Variants in DLGAP1 observed in about 807,000 individuals in gnomAD.
DLGAP1 encodes the protein DLG associated protein 1.
DLGAP1 carries 11 observed loss-of-function variants against 90.8 expected under a neutral mutation model. That is an observed-to-expected ratio of 0.12 (90% CI 0.08 to 0.20). DLGAP1 has a LOEUF of 0.20. DLGAP1 is among the 10% of genes least tolerant of loss of function. The probability of loss-of-function intolerance (pLI) is 1.00; values close to 1 mark genes in which losing one functional copy is unlikely to be tolerated. For synonymous variants in DLGAP1, 558 were observed against 540.7 expected, an observed-to-expected ratio of 1.03 and a Z score of -0.44; for missense variants, 1,050 against 1,333.8, an observed-to-expected ratio of 0.79 and a Z score of 3.31.
chr18:4,421,907 T>G (rs78711632), intron 1 of DLGAP1, among the ~76,000 whole-genome samples: 10,198 of 151,990 alleles, frequency 0.067, 688 homozygotes, highest in African/African-American at 0.17. Flanking sequence ...AGAGACAGGA[T>G]TTCACCACGT....
chr18:3,788,525 C>A (rs893998594), intron 5 of DLGAP1, among the ~76,000 whole-genome samples: 3 of 152,166 alleles, frequency 2.0e-5, no homozygotes, highest in African/African-American at 7.2e-5. Context: ...ACTTCTACAA[C>A]ACCTTTTTTT....
intron 2 of DLGAP1, among the ~76,000 whole-genome samples, chr18:4,018,743 C>A (rs1386833279): frequency 6.6e-6 from 1 of 152,178 alleles, no homozygotes; most frequent in East Asian, 1.9e-4. Context: ...ATAAACCACT[C>A]AGAGCAGAAG....
chr18:3,504,449 A>G (rs1568089404), intron 11 of DLGAP1, among the ~76,000 whole-genome samples: 1 of 152,110 alleles, frequency 6.6e-6, no homozygotes, highest in African/African-American at 2.4e-5. Context: ...CAATGGTACA[A>G]TCTCAGCTCA....
intron 7 of DLGAP1, among the ~76,000 whole-genome samples, chr18:3,644,164 C>T (rs980627840): frequency 6.6e-6 from 1 of 152,104 alleles, no homozygotes; most frequent in African/African-American, 2.4e-5. Flanking sequence ...GGCACAAGAC[C>T]CAAGCCTGGG....
chr18:4,276,059 G>A (rs1370553745), intron 1 of DLGAP1, among the ~76,000 whole-genome samples: 1 of 150,794 alleles, frequency 6.6e-6, no homozygotes, highest in African/African-American at 2.4e-5. Flanking sequence ...AGGGTATGAG[G>A]GTTCAGCCGG....
At position 4,215,848 on chromosome 18, in the gene DLGAP1, A is replaced by G. The variant is rs375648658; in HGVS notation, c.-266-64561T>C. ...TGTTGGTGGTCCATTTCTCCTGCCA[A>G]AAGTGGGAGCAGGAACACATTTGGG... On this transcript the variant is annotated intron_variant, in intron 1 of 12. Transcript: ENST00000315677. 2.6e-4 allele frequency among the ~76,000 whole-genome samples: 39 copies of G among 152,234 alleles called. No individual in the cohort carries two copies. The East Asian group carries it at 7.3e-3, about 29-fold the overall frequency.
chr18:3,765,280 G>A (rs148344671), intron 5 of DLGAP1, among the ~76,000 whole-genome samples: 4,616 of 150,058 alleles, frequency 0.031, 163 homozygotes, highest in Middle Eastern at 0.083. Context: ...ACAGGCGCCC[G>A]CCACCACGCC....
intron 1 of DLGAP1, among the ~76,000 whole-genome samples, chr18:4,403,309 T>C (rs953571587): frequency 3.3e-5 from 5 of 152,200 alleles, no homozygotes; most frequent in African/African-American, 9.7e-5. Flanking sequence ...AAAATATACC[T>C]GGAATATATA....
At chr18:4,077,933 T>C (rs369981741) in intron 2 of DLGAP1, among the ~76,000 whole-genome samples, 9 of 152,196 alleles carry the variant, frequency 5.9e-5, no homozygotes, top group Admixed American at 3.3e-4. Context: ...CCAGTTTGCT[T>C]CATAGGAATT....
At chr18:4,178,410 G>T (rs773241933) in intron 1 of DLGAP1, among the ~76,000 whole-genome samples, 1 of 151,858 alleles carries the variant, frequency 6.6e-6, no homozygotes, top group Non-Finnish European at 1.5e-5. Context: ...ACATGTTTTA[G>T]AACACATCAT....
intron 2 of DLGAP1, among the ~76,000 whole-genome samples, chr18:4,131,074 T>G (rs948633060): frequency 1.3e-5 from 2 of 152,156 alleles, no homozygotes; most frequent in Non-Finnish European, 2.9e-5. Flanking sequence ...AGTGTCTTTT[T>G]TTTCAGAAAT....
intron 2 of DLGAP1, among the ~76,000 whole-genome samples, chr18:4,095,724 G>A (rs867092823): frequency 4.6e-5 from 7 of 151,756 alleles, no homozygotes; most frequent in Non-Finnish European, 7.4e-5. Flanking sequence ...AACTGGAAAC[G>A]ACATAATATA....
rs145473153 is a variant in DLGAP1 at position 4,095,404 on chromosome 18, G to A, written c.-159+55776C>T. On this transcript the variant is annotated intron_variant, in intron 2 of 12. Coordinates refer to ENST00000315677, the MANE Select transcript of DLGAP1 (RefSeq NM_004746.4). ...AGACATAGATGTATCCCCATGAGACGTCTGGGTGAACAAAAGAACCCCTAA... is the reference window on the plus strand; with the variant it reads ...AGACATAGATGTATCCCCATGAGACATCTGGGTGAACAAAAGAACCCCTAA... Among the ~76,000 whole-genome samples, 44 of 152,280 alleles carry A rather than the reference G, an allele frequency of 2.9e-4. No individual in the cohort carries two copies. The East Asian group carries it at 4.6e-3, about 16-fold the overall frequency.
chr18:3,716,862 C>T (rs968351850), intron 7 of DLGAP1, among the ~76,000 whole-genome samples: 3 of 151,836 alleles, frequency 2.0e-5, no homozygotes, highest in African/African-American at 7.3e-5. Flanking sequence ...GGTGCAGTAG[C>T]TCGTGCCTTT....
intron 5 of DLGAP1, among the ~76,000 whole-genome samples, chr18:3,766,419 T>C (rs570740903): frequency 1.5e-3 from 226 of 152,184 alleles, no homozygotes; most frequent in African/African-American, 5.2e-3. Flanking sequence ...TTGACAGAAC[T>C]AGACAGAAAA....
intron 7 of DLGAP1, among the ~76,000 whole-genome samples, chr18:3,714,889 T>C (rs1465499700): frequency 1.3e-5 from 2 of 152,086 alleles, no homozygotes; most frequent in Non-Finnish European, 2.9e-5. Flanking sequence ...TGCCTGCCTC[T>C]GCTTCCCAAA....
At chr18:3,778,883 G>T (rs1353462620) in intron 5 of DLGAP1, among the ~76,000 whole-genome samples, 6 of 152,158 alleles carry the variant, frequency 3.9e-5, no homozygotes, top group Non-Finnish European at 4.4e-5. Flanking sequence ...CTCTCTCCTT[G>T]GCCCCAGCCA....
intron 3 of DLGAP1, among the ~76,000 whole-genome samples, chr18:3,944,779 G>T (rs1390124911): frequency 6.6e-6 from 1 of 152,178 alleles, no homozygotes; most frequent in Non-Finnish European, 1.5e-5. Context: ...GTTCCTTGCT[G>T]TACTTCTATC....
chr18:3,698,141 T>C (rs1274381960), intron 7 of DLGAP1, among the ~76,000 whole-genome samples: 2 of 152,208 alleles, frequency 1.3e-5, no homozygotes, highest in Non-Finnish European at 2.9e-5. Context: ...CTTTATCCAA[T>C]TTGCCACTCT....
Sources: allele counts gnomAD v4.1 joint callset (sites outside exome capture counted in the v4.1 genomes callset), GRCh38; gene constraint gnomAD v4.1.1; transcripts MANE v1.5; gene names NCBI Gene and HGNC (gene_info 2026-07-23, HGNC 2026-07-21).